The following KCNK12 variants were observed in gnomAD, a reference collection of about 807,000 sequenced individuals.
KCNK12 encodes potassium two pore domain channel subfamily K member 12, also known as potassium channel subfamily K member 12.
A neutral mutation model predicts 25.3 loss-of-function variants in KCNK12; 6 were observed. The observed-to-expected ratio is 0.24, with a 90% CI of 0.13 to 0.47. The LOEUF (loss-of-function observed/expected upper bound fraction) is 0.47, where lower values mean the gene tolerates loss of function less well. KCNK12 is among the 20% of genes least tolerant of loss of function. The pLI is 0.99. For synonymous variants in KCNK12, 331 were observed against 311.1 expected, an observed-to-expected ratio of 1.06 and a Z score of -0.67; for missense variants, 444 against 661.7, an observed-to-expected ratio of 0.67 and a Z score of 3.61.
At chr2:47,559,504 T>C (rs1669620145) in intron 1 of KCNK12, among the ~76,000 whole-genome samples, 1 of 152,270 alleles carries the variant, frequency 6.6e-6, no homozygotes. Context: ...CCAAGTATTA[T>C]GCTCCATGAT....
At chr2:47,568,150 G>A (rs967592164) in intron 1 of KCNK12, among the ~76,000 whole-genome samples, 3 of 152,140 alleles carry the variant, frequency 2.0e-5, no homozygotes, top group African/African-American at 7.2e-5. Context: ...GTCACTGGGA[G>A]AAAGTGCTAT....
intron 1 of KCNK12, among the ~76,000 whole-genome samples, chr2:47,553,378 C>T (rs913145281): frequency 1.3e-5 from 2 of 152,158 alleles, no homozygotes; most frequent in African/African-American, 4.8e-5. Context: ...TGATTTATCA[C>T]TGATAGAGAT....
At chr2:47,522,193 A>AT (rs1008169707) in intron 1 of KCNK12, among the ~76,000 whole-genome samples, 2 of 151,918 alleles carry the variant, frequency 1.3e-5, no homozygotes, top group South Asian at 2.1e-4. Flanking sequence ...ACTCCTCCAA[A>AT]TTTTTTTTTA....
chr2:47,548,430 C>T lies in KCNK12; in HGVS notation c.391+21511G>A, dbSNP rs955351664. ...TGATTCTCCCTCCCAACCAGCCCCT[C>T]CTTGATTCCACTTCAGCCTTCCCTA... On this transcript the variant is annotated intron_variant, in intron 1 of 1. Coordinates refer to ENST00000327876, the MANE Select transcript of KCNK12 (RefSeq NM_022055.2). This position sits in a 1 kb window ranked among gnomAD's most constrained non-coding sequence, Gnocchi z 4.4. Among the ~76,000 whole-genome samples the T allele has an allele frequency of 1.3e-5, 2 of 152,234 alleles. No homozygotes were observed. The highest frequency in any genetic ancestry group is 4.8e-5 in the African/African-American group (2 of 41,446).
rs1252384921 is a variant in KCNK12, at chr2:47,569,909, G to T, written c.391+32C>A. 1 of 1,328,278 alleles carries T rather than the reference G, an allele frequency of 7.5e-7. No homozygotes were observed. Among genetic ancestry groups the T allele is most frequent in the Non-Finnish European group, 9.7e-7 (1 of 1,032,454 alleles). The allele number at this position is 1,328,278 out of a possible 1,614,324, so 82.3% of individuals were successfully genotyped here. On this transcript the variant is annotated intron_variant, in intron 1 of 1. Transcript: ENST00000327876. The surrounding 1 kb of genome is among the most constrained non-coding windows in gnomAD (Gnocchi z 4.1). ...AAGGGCGGCAGGTGAAAGGCACAGA[G>T]AGGAAAGATGCGCGGGGGACGCGCC...
At chr2:47,543,892 A>C (rs1009250963) in intron 1 of KCNK12, 2 of 152,198 alleles carry the variant, frequency 1.3e-5, no homozygotes, top group Non-Finnish European at 2.9e-5. Flanking sequence ...CAATCCTCAT[A>C]GCTACTTCTG....
At chr2:47,523,415 G>A (rs1668703747) in intron 1 of KCNK12, among the ~76,000 whole-genome samples, 1 of 152,230 alleles carries the variant, frequency 6.6e-6, no homozygotes, top group Admixed American at 6.5e-5. Flanking sequence ...TGGCCCAGCT[G>A]GGTCCTGTGC....
rs560600356 is a variant in KCNK12, at chr2:47,510,197, A to G, written c.*10710T>C. 1 of 152,282 alleles carries G rather than the reference A, an allele frequency of 6.6e-6. No individual in the cohort carries two copies. Among genetic ancestry groups the G allele is most frequent in the African/African-American group, 2.4e-5 (1 of 41,550 alleles). 9.4% of individuals were successfully genotyped at this position (152,282 alleles called of 1,614,324 possible). ...TGTGAGCCTTGGAGGGGTAGCTACC[A>G]TCTGGCACCTGGGGTGGCAAGCCAA... On this transcript the variant is annotated 3_prime_UTR_variant, in exon 2 of 2. Coordinates refer to ENST00000327876, the MANE Select transcript of KCNK12 (RefSeq NM_022055.2).
chr2:47,552,895 C>T (rs868763442), intron 1 of KCNK12, among the ~76,000 whole-genome samples: 32 of 152,192 alleles, frequency 2.1e-4, no homozygotes, highest in African/African-American at 7.5e-4. Context: ...CCAAGATCAG[C>T]AGAGGTCTTG....
intron 1 of KCNK12, among the ~76,000 whole-genome samples, chr2:47,527,018 G>A (rs1573627604): frequency 6.6e-6 from 1 of 152,168 alleles, no homozygotes; most frequent in Non-Finnish European, 1.5e-5. Context: ...AGAAACTGCA[G>A]GTTAAAGGGT....
chr2:47,532,880 C>G (rs962291053), intron 1 of KCNK12, among the ~76,000 whole-genome samples: 1 of 152,208 alleles, frequency 6.6e-6, no homozygotes, highest in Non-Finnish European at 1.5e-5. Context: ...GAGCTGAGAG[C>G]AGAACTAGGA....
chr2:47,552,844 A>G (rs943352550), intron 1 of KCNK12, among the ~76,000 whole-genome samples: 2 of 152,180 alleles, frequency 1.3e-5, no homozygotes, highest in Non-Finnish European at 2.9e-5. Context: ...CTGTGTGGGC[A>G]TGATGTCAAG....
chr2:47,543,006 C>T (rs114600123), intron 1 of KCNK12, among the ~76,000 whole-genome samples: 441 of 152,302 alleles, frequency 2.9e-3, no homozygotes, highest in African/African-American at 0.01. Flanking sequence ...TCATAACGCG[C>T]TACAGCCTCA....
intron 1 of KCNK12, among the ~76,000 whole-genome samples, chr2:47,550,241 A>G (rs1418977247): frequency 1.3e-5 from 2 of 152,180 alleles, no homozygotes; most frequent in African/African-American, 2.4e-5. Flanking sequence ...AGATCCAAGG[A>G]GCTCTATAAA....
At chr2:47,542,300 C>T (rs372745474) in intron 1 of KCNK12, among the ~76,000 whole-genome samples, 11 of 152,166 alleles carry the variant, frequency 7.2e-5, no homozygotes, top group African/African-American at 2.4e-4. Context: ...ACCGACTGCT[C>T]CTCACAAGCA....
chr2:47,521,877 G>T (rs1668664196), intron 1 of KCNK12, 69 bp from the exon 2 acceptor site: 2 of 1,299,464 alleles, frequency 1.5e-6, no homozygotes, highest in South Asian at 1.6e-5. Flanking sequence ...GAGGGTGGGG[G>T]GTGTGGGGGC....
At position 47,516,288 on chromosome 2, in the gene KCNK12, G is replaced by A. The variant is rs7587143; in HGVS notation, c.*4619C>T. Among the ~76,000 whole-genome samples, 52,130 of 152,040 alleles carry A rather than the reference G, an allele frequency of 0.34. 9,382 individuals are homozygous for A. Among genetic ancestry groups the A allele is most frequent in the East Asian group, 0.49 (2,535 of 5,160 alleles). The stretch of plus-strand genomic sequence containing the variant: ...AATGAAATCAGACTCCTGGGAGTAC[G>A]GCCCGGGCCTCGGGATCCTTTAAAG... On this transcript the variant is annotated 3_prime_UTR_variant, in exon 2 of 2. Coordinates refer to ENST00000327876, the MANE Select transcript of KCNK12 (RefSeq NM_022055.2).
chr2:47,519,906 G>A lies in KCNK12; in HGVS notation c.*1001C>T, dbSNP rs982826642. 1 of 152,240 alleles carries A rather than the reference G, an allele frequency of 6.6e-6. No homozygotes were observed. The highest frequency in any genetic ancestry group is 1.5e-5 in the Non-Finnish European group (1 of 68,064). 9.4% of individuals were successfully genotyped at this position (152,240 alleles called of 1,614,324 possible). On this transcript the variant is annotated 3_prime_UTR_variant, in exon 2 of 2. Transcript: ENST00000327876. ...CAGAGGTGCCTCCTTCAGAGGAGGA[G>A]GAGGAGAAGCTGGAGGGCTGCGCCC...
Position 47,548,962 on chromosome 2 carries a change from A to G in KCNK12, c.391+20979T>C, listed in dbSNP as rs1263310884. 6.6e-6 allele frequency among the ~76,000 whole-genome samples: 1 copy of G among 152,236 alleles called. No individual in the cohort carries two copies. Among genetic ancestry groups the G allele is most frequent in the East Asian group, 1.9e-4 (1 of 5,198 alleles). On this transcript the variant is annotated intron_variant, in intron 1 of 1. Transcript: ENST00000327876. The surrounding 1 kb of genome is among the most constrained non-coding windows in gnomAD (Gnocchi z 4.4). ...CTGGAGAGGAAGGAACCATCAAGAA[A>G]AAGGACTCCAGAAATCTACTAGGGG...
Sources: gnomAD v4.1 joint callset for allele counts (sites outside exome capture counted in the v4.1 genomes callset) on GRCh38, gnomAD v4.1.1 for gene constraint, Gnocchi (gnomAD v3.1) non-coding constraint, MANE v1.5 for transcripts, NCBI Gene and HGNC (gene_info 2026-07-23, HGNC 2026-07-21) for gene names.